The following TENT2 variants were observed in gnomAD, a reference collection of about 807,000 sequenced individuals.
TENT2 encodes the protein poly(A) RNA polymerase GLD2.
TENT2 carries 44 observed loss-of-function variants against 72.2 expected under a neutral mutation model. The ratio of observed to expected loss-of-function variants is 0.61; its 90% CI spans 0.48 to 0.78. The LOEUF (loss-of-function observed/expected upper bound fraction) is 0.78. Among genes scored for constraint, TENT2 ranks in the 30% least tolerant of loss-of-function variants. The pLI is 0.00. For missense variants in TENT2, 541 were observed against 569.6 expected, an observed-to-expected ratio of 0.95 and a Z score of 0.51; for synonymous variants, 212 against 192.5, an observed-to-expected ratio of 1.10 and a Z score of -0.84.
chr5:79,624,447 A>G (rs1288431773), intron 4 of TENT2, among the ~76,000 whole-genome samples: 1 of 152,180 alleles, frequency 6.6e-6, no homozygotes. Flanking sequence ...ATTGTACCAT[A>G]AAATTCACCC....
At chr5:79,618,017 A>T (rs1761739440) in intron 1 of TENT2, among the ~76,000 whole-genome samples, 1 of 151,816 alleles carries the variant, frequency 6.6e-6, no homozygotes, top group African/African-American at 2.4e-5. Flanking sequence ...TTTATTAGGT[A>T]ATGTCCTGTA....
chr5:79,666,094 T>C (rs1228169840), intron 11 of TENT2, among the ~76,000 whole-genome samples: 1 of 151,692 alleles, frequency 6.6e-6, no homozygotes, highest in Admixed American at 6.6e-5. Flanking sequence ...ATTCAAGCGA[T>C]TGTCTTGCCT....
chr5:79,667,289 C>T (rs1809033309), intron 11 of TENT2, among the ~76,000 whole-genome samples: 1 of 152,134 alleles, frequency 6.6e-6, no homozygotes, highest in Non-Finnish European at 1.5e-5. Flanking sequence ...GCTTTCAGAG[C>T]GGGAGCTATT....
At chr5:79,646,195 A>G (rs1788824137) in intron 8 of TENT2, among the ~76,000 whole-genome samples, 3 of 152,138 alleles carry the variant, frequency 2.0e-5, no homozygotes, top group African/African-American at 7.2e-5. Flanking sequence ...CAAGTGCAAG[A>G]AGGCTGTGAT....
chr5:79,666,998 T>C (rs911919465), intron 11 of TENT2, among the ~76,000 whole-genome samples: 9 of 150,896 alleles, frequency 6.0e-5, no homozygotes, highest in Admixed American at 2.0e-4. Flanking sequence ...CCTGACTCTT[T>C]GTGTGTGACC....
At chr5:79,639,488 T>A (rs1181994725) in intron 4 of TENT2, among the ~76,000 whole-genome samples, 1 of 151,984 alleles carries the variant, frequency 6.6e-6, no homozygotes, top group Non-Finnish European at 1.5e-5. Flanking sequence ...TTTTTTTTTT[T>A]TATATTGACC....
rs146922004 is a variant in TENT2 at position 79,682,016 on chromosome 5, G to A, written c.1335G>A (p.Val445=). 337 of 1,613,606 alleles carry A rather than the reference G, an allele frequency of 2.1e-4. 3 individuals carry two copies. The East Asian group carries it at 7.4e-3, about 35-fold the overall frequency. The change falls in exon 14 of 15, where the codon GTG becomes GTA. Residue 445 remains valine (V), a synonymous_variant. Transcript: ENST00000453514. ...ATGGAACAAATACAGCCAGAGCAGT[G>A]CACGAAAAGCAGAAATTTGATATGA... ...PFDGTNTARA[V]HEKQKFDMIK... is the part of the protein sequence containing the mutation.
chr5:79,623,133 C>T (rs1253181852), intron 3 of TENT2, 119 bp from the exon 4 acceptor site: 7 of 675,592 alleles, frequency 1.0e-5, no homozygotes, highest in African/African-American at 1.8e-5. Context: ...AATAAAGTGA[C>T]CTTATTGAAA....
At chr5:79,616,189 A>ATTTTTT in intron 1 of TENT2, among the ~76,000 whole-genome samples, 1 of 88,132 alleles carries the variant, frequency 1.1e-5, no homozygotes, top group Non-Finnish European at 2.1e-5. Context: ...ACCCGGCCTA[A>ATTTTTT]TTTTTTTTTT....
At chr5:79,633,064 T>G (rs1186514886) in intron 4 of TENT2, among the ~76,000 whole-genome samples, 3 of 152,226 alleles carry the variant, frequency 2.0e-5, no homozygotes, top group African/African-American at 7.2e-5. Flanking sequence ...AGAAGTGGGT[T>G]GTTTTAGGCA....
chr5:79,654,811 C>T (rs1796767347), intron 10 of TENT2, among the ~76,000 whole-genome samples: 1 of 151,952 alleles, frequency 6.6e-6, no homozygotes, highest in Non-Finnish European at 1.5e-5. Flanking sequence ...CTTGCGCTTT[C>T]AAAATTAATG....
chr5:79,654,852 A>C (rs1796796090), intron 10 of TENT2, among the ~76,000 whole-genome samples: 1 of 152,228 alleles, frequency 6.6e-6, no homozygotes, highest in South Asian at 2.1e-4. Flanking sequence ...CCTGCTATTT[A>C]AAATTTAAAT....
At chr5:79,661,416 AC>A (rs1388086084) in intron 11 of TENT2, among the ~76,000 whole-genome samples, 2 of 152,166 alleles carry the variant, frequency 1.3e-5, no homozygotes, top group Non-Finnish European at 2.9e-5. Context: ...TCATTGTGTT[AC>A]AGTTGCCTAC....
chr5:79,628,941 A>G (rs1211346731), intron 4 of TENT2, among the ~76,000 whole-genome samples: 1 of 152,210 alleles, frequency 6.6e-6, no homozygotes, highest in East Asian at 1.9e-4. Flanking sequence ...TTAGAAATAC[A>G]CAAAATAGAG....
At position 79,642,828 on chromosome 5, in the gene TENT2, T is replaced by C; in HGVS notation, c.673-4T>C. On this transcript the variant is annotated splice_region_variant and splice_polypyrimidine_tract_variant and intron_variant, in intron 6 of 14. Coordinates refer to ENST00000453514, the MANE Select transcript of TENT2 (RefSeq NM_001114394.3). The stretch of plus-strand genomic sequence containing the variant: ...GAAAAAACACTTTATTTTTAACTTT[T>C]CAGTGTTTTTTTCAGGTAAATCAGA... The C allele has an allele frequency of 6.2e-7, 1 of 1,605,212 alleles. No homozygotes were observed. The highest frequency in any genetic ancestry group is 8.5e-7 in the Non-Finnish European group (1 of 1,175,194).
intron 12 of TENT2, among the ~76,000 whole-genome samples, chr5:79,671,574 T>C (rs1489655763): frequency 1.3e-5 from 2 of 151,872 alleles, no homozygotes; most frequent in Admixed American, 1.3e-4. Flanking sequence ...CTGGCTAATA[T>C]TTTTTTGTAT....
chr5:79,673,770 A>G (rs1814917999), intron 12 of TENT2, among the ~76,000 whole-genome samples: 1 of 152,246 alleles, frequency 6.6e-6, no homozygotes, highest in East Asian at 1.9e-4. Flanking sequence ...AGACAGTTGG[A>G]TATATAAGCC....
At chr5:79,681,386 T>A (rs1328868681) in intron 13 of TENT2, among the ~76,000 whole-genome samples, 1 of 151,698 alleles carries the variant, frequency 6.6e-6, no homozygotes, top group Non-Finnish European at 1.5e-5. Flanking sequence ...TCTCGATCTC[T>A]TGACCTTGTG....
intron 10 of TENT2, among the ~76,000 whole-genome samples, chr5:79,656,477 C>T (rs961805644): frequency 4.0e-5 from 6 of 151,706 alleles, no homozygotes; most frequent in Non-Finnish European, 8.8e-5. Flanking sequence ...TGAACGATTT[C>T]AATTTTGGTA....
Sources: gnomAD v4.1 joint callset for allele counts (sites outside exome capture counted in the v4.1 genomes callset) on GRCh38, gnomAD v4.1.1 for gene constraint, MANE v1.5 for transcripts, NCBI Gene and HGNC (gene_info 2026-07-23, HGNC 2026-07-21) for gene names.